The following VRK1 variants were observed in gnomAD, a reference collection of about 807,000 sequenced individuals.
The protein encoded by VRK1 is VRK serine/threonine kinase 1, also known as serine/threonine-protein kinase VRK1.
VRK1 carries 33 observed loss-of-function variants against 57.1 expected under a neutral mutation model. The ratio of observed to expected loss-of-function variants is 0.58; its 90% CI spans 0.44 to 0.77. The LOEUF (loss-of-function observed/expected upper bound fraction) is 0.77. Among genes scored for constraint, VRK1 ranks in the 30% least tolerant of loss-of-function variants. The probability of loss-of-function intolerance (pLI) is 0.00; values close to 1 mark genes in which losing one functional copy is unlikely to be tolerated. For missense variants in VRK1, 413 were observed against 477.3 expected, an observed-to-expected ratio of 0.87 and a Z score of 1.25; for synonymous variants, 137 against 147.8, an observed-to-expected ratio of 0.93 and a Z score of 0.53.
At chr14:96,799,945 G>A (rs1885591566) in intron 1 of VRK1, among the ~76,000 whole-genome samples, 1 of 147,770 alleles carries the variant, frequency 6.8e-6, no homozygotes, top group African/African-American at 2.5e-5. Flanking sequence ...ATTAGTGTAC[G>A]TCTTTTTTTT....
At chr14:96,847,229 A>C (rs1887738215) in intron 4 of VRK1, 28 bp from the exon 5 acceptor site, 1 of 1,587,586 alleles carries the variant, frequency 6.3e-7, no homozygotes. Context: ...TAACAATTGA[A>C]ATCACAAAGA....
intron 11 of VRK1, among the ~76,000 whole-genome samples, chr14:96,865,290 A>T (rs952926617): frequency 6.6e-6 from 1 of 152,146 alleles, no homozygotes; most frequent in African/African-American, 2.4e-5. Context: ...GTTGATCTCA[A>T]CCATTTGTGG....
chr14:96,868,747 A>T (rs75343165), intron 11 of VRK1, among the ~76,000 whole-genome samples: 192 of 150,738 alleles, frequency 1.3e-3, no homozygotes, highest in Non-Finnish European at 2.4e-3. Context: ...ATATTATTAG[A>T]TTTATTTTTC....
At chr14:96,838,907 G>A (rs887011825) in intron 3 of VRK1, among the ~76,000 whole-genome samples, 5 of 134,264 alleles carry the variant, frequency 3.7e-5, no homozygotes, top group Non-Finnish European at 5.2e-5. Context: ...TGATTTTTAC[G>A]GGGAAATACA....
chr14:96,839,317 T>C (rs1217355388), intron 3 of VRK1, among the ~76,000 whole-genome samples: 2 of 152,200 alleles, frequency 1.3e-5, no homozygotes, highest in African/African-American at 2.4e-5. Context: ...TAAACATTCT[T>C]GTACAAGTGT....
chr14:96,843,417 T>C (rs78691949), intron 3 of VRK1, among the ~76,000 whole-genome samples: 1,593 of 152,306 alleles, frequency 0.01, 22 homozygotes, highest in African/African-American at 0.031. Flanking sequence ...GAAAGAAGTT[T>C]GCAGACTGAT....
rs1566683621 is a variant in VRK1, at chr14:96,808,019, G to GTCTCTCTCTCTCTC, written c.-6+10573_-6+10574insCTCTCTCTCTCTCT. The stretch of plus-strand genomic sequence containing the variant: ...CCTCTCTCCCTCTCTCTCTCCCTCT[G>GTCTCTCTCTCTCTC]TGTGTGTGTGTGTGTGTGTGTGTGT... On this transcript the variant is annotated intron_variant, in intron 1 of 12. Coordinates refer to ENST00000216639, the MANE Select transcript of VRK1 (RefSeq NM_003384.3). Among the ~76,000 whole-genome samples the GTCTCTCTCTCTCTC allele has an allele frequency of 3.5e-4, 12 of 34,242 alleles. No homozygotes were observed. The East Asian group carries it at 0.013, about 37-fold the overall frequency. 22.5% of individuals were successfully genotyped at this position (34,242 alleles called of 152,430 possible).
intron 1 of VRK1, among the ~76,000 whole-genome samples, chr14:96,832,066 A>G (rs1369972847): frequency 6.6e-6 from 1 of 152,222 alleles, no homozygotes; most frequent in Non-Finnish European, 1.5e-5. Context: ...TTGTTAACTT[A>G]GAGAAGATTT....
chr14:96,816,230 G>A (rs77792764), intron 1 of VRK1, among the ~76,000 whole-genome samples: 1,618 of 152,122 alleles, frequency 0.011, 24 homozygotes, highest in South Asian at 0.055. Context: ...AAACATAAGC[G>A]GTCTCACAGA....
At chr14:96,862,035 T>G (rs1888408555) in intron 11 of VRK1, among the ~76,000 whole-genome samples, 1 of 152,240 alleles carries the variant, frequency 6.6e-6, no homozygotes, top group African/African-American at 2.4e-5. Context: ...TAAAGATCTC[T>G]GCTGCTATGT....
chr14:96,846,160 G>T lies in VRK1; in HGVS notation c.282G>T (p.Glu94Asp). The T allele has an allele frequency of 6.2e-7, 1 of 1,613,254 alleles. No individual in the cohort carries two copies. The highest frequency in any genetic ancestry group is 8.5e-7 in the Non-Finnish European group (1 of 1,179,472). The change falls in exon 4 of 13, where the codon GAG (glutamate) becomes GAT (aspartate). Residue 94 changes from glutamate to aspartate, a missense_variant. Coordinates refer to ENST00000216639, the MANE Select transcript of VRK1 (RefSeq NM_003384.3). Reference sequence around the variant, plus strand: ...TCTACCAACGAGCTGCAAAACCAGAGCAAAGTAAGAAATACAGTACACATA... The same window carrying T: ...TCTACCAACGAGCTGCAAAACCAGATCAAAGTAAGAAATACAGTACACATA... ...LKFYQRAAKPEQIQKWIRTRK... is the reference protein window; with the variant it reads ...LKFYQRAAKPDQIQKWIRTRK...
intron 1 of VRK1, among the ~76,000 whole-genome samples, chr14:96,827,325 T>A (rs146338982): frequency 6.6e-6 from 1 of 152,116 alleles, no homozygotes; most frequent in Non-Finnish European, 1.5e-5. Context: ...CAGTAGAAGG[T>A]GAGGAAGGGA....
chr14:96,862,352 A>G (rs1316203623), intron 11 of VRK1, among the ~76,000 whole-genome samples: 2 of 152,208 alleles, frequency 1.3e-5, no homozygotes, highest in East Asian at 3.8e-4. Flanking sequence ...AAGTTGAACT[A>G]TTAGGAGATT....
chr14:96,867,824 C>A (rs1212107089), intron 11 of VRK1, among the ~76,000 whole-genome samples: 2 of 151,944 alleles, frequency 1.3e-5, no homozygotes, highest in African/African-American at 4.8e-5. Context: ...GGTACTAGTT[C>A]TTTTTTTAAT....
intron 11 of VRK1, among the ~76,000 whole-genome samples, chr14:96,873,349 G>T (rs1056391648): frequency 2.6e-5 from 4 of 152,170 alleles, no homozygotes; most frequent in African/African-American, 9.7e-5. Flanking sequence ...TAAATTGGAA[G>T]TGAGAAGCTG....
chr14:96,863,135 T>C (rs1888454476), intron 11 of VRK1, among the ~76,000 whole-genome samples: 1 of 152,214 alleles, frequency 6.6e-6, no homozygotes, highest in South Asian at 2.1e-4. Flanking sequence ...ATCAAGGAGC[T>C]TTATTTAAAG....
intron 3 of VRK1, among the ~76,000 whole-genome samples, chr14:96,845,687 G>T (rs977136422): frequency 2.6e-5 from 4 of 152,122 alleles, no homozygotes; most frequent in Non-Finnish European, 5.9e-5. Flanking sequence ...TGGGATTTTG[G>T]CATTAATTGG....
chr14:96,833,845 C>T (rs1887109943), intron 2 of VRK1, among the ~76,000 whole-genome samples: 1 of 152,198 alleles, frequency 6.6e-6, no homozygotes, highest in Admixed American at 6.5e-5. Flanking sequence ...GTAATACTAT[C>T]ATTAGTGAGC....
At chr14:96,852,765 T>C in intron 5 of VRK1, 66 bp from the exon 6 acceptor site, 1 of 1,106,006 alleles carries the variant, frequency 9.0e-7, no homozygotes, top group South Asian at 1.3e-5. Context: ...ACTTTGAGAG[T>C]ACTCATTACA....
Sources: gnomAD v4.1 joint callset for allele counts (sites outside exome capture counted in the v4.1 genomes callset) on GRCh38, gnomAD v4.1.1 for gene constraint, MANE v1.5 for transcripts, NCBI Gene and HGNC (gene_info 2026-07-23, HGNC 2026-07-21) for gene names.